The following TRERF1 variants were observed in gnomAD, a reference collection of about 807,000 sequenced individuals.
TRERF1 encodes the protein transcriptional regulating factor 1, also known as transcriptional-regulating factor 1.
A neutral mutation model predicts 122.9 loss-of-function variants in TRERF1; 27 were observed. The ratio of observed to expected loss-of-function variants is 0.22; its 90% CI spans 0.16 to 0.30. The LOEUF is 0.30. Among genes scored for constraint, TRERF1 ranks in the 10% least tolerant of loss-of-function variants. The pLI is 1.00. For synonymous variants in TRERF1, 636 were observed against 641.7 expected (o/e 0.99, Z 0.13); for missense variants, 1,248 against 1,560.3 (o/e 0.80, Z 3.37).
chr6:42,300,128 T>C (rs1582901398), intron 4 of TRERF1, among the ~76,000 whole-genome samples: 1 of 149,098 alleles, frequency 6.7e-6, no homozygotes, highest in Non-Finnish European at 1.5e-5. Flanking sequence ...AGCCAAGTCT[T>C]TGTGGTTCCT....
chr6:42,239,442 C>T (rs1773110725), intron 15 of TRERF1, among the ~76,000 whole-genome samples: 1 of 152,160 alleles, frequency 6.6e-6, no homozygotes, highest in African/African-American at 2.4e-5. Context: ...AGTCACACTG[C>T]CCCTGCTGAG....
In TRERF1 at chr6:42,355,672, C is replaced by T. The variant is rs1351359382; in HGVS notation, c.-371+7325G>A. On this transcript the variant is annotated intron_variant, in intron 3 of 17. Transcript: ENST00000372922. Reference sequence around the variant, plus strand: ...AGGCCTTTTTATATCTTAAAATATTCCACCTGGCACAGGGGTGTATGAGTG... The same window carrying T: ...AGGCCTTTTTATATCTTAAAATATTTCACCTGGCACAGGGGTGTATGAGTG... Among the ~76,000 whole-genome samples the T allele has an allele frequency of 3.3e-5, 5 of 152,150 alleles. No individual in the cohort carries two copies. The South Asian group carries it at 1.0e-3, about 32-fold the overall frequency.
chr6:42,405,087 C>G (rs1033953928), intron 2 of TRERF1, among the ~76,000 whole-genome samples: 2 of 152,162 alleles, frequency 1.3e-5, no homozygotes, highest in African/African-American at 4.8e-5. Flanking sequence ...TTAATCTTCA[C>G]GGTAACCCTA....
At chr6:42,225,071 G>A (rs1222606536), downstream of TRERF1, 3 of 151,870 alleles carry the variant, frequency 2.0e-5, no homozygotes, top group African/African-American at 7.3e-5. Context: ...ATAACTTTCT[G>A]AGAGGCTAAT....
At chr6:42,354,110 T>C (rs1476324821) in intron 3 of TRERF1, among the ~76,000 whole-genome samples, 3 of 152,112 alleles carry the variant, frequency 2.0e-5, no homozygotes, top group Non-Finnish European at 2.9e-5. Flanking sequence ...TTGTGAGGCA[T>C]GGGTGGGATT....
At chr6:42,330,994 C>T (rs902893074) in intron 3 of TRERF1, among the ~76,000 whole-genome samples, 10 of 151,872 alleles carry the variant, frequency 6.6e-5, no homozygotes, top group African/African-American at 1.7e-4. Context: ...TTTTTTTTAA[C>T]GGGGAAGCTG....
At chr6:42,277,891 GGAAGAAGGAAGAAGGAAGAA>G (rs1421855618) in intron 4 of TRERF1, among the ~76,000 whole-genome samples, 33 of 129,748 alleles carry the variant, frequency 2.5e-4, no homozygotes, top group Middle Eastern at 3.7e-3. Context: ...GAAGGAAGAA[GGAAGAAGGAAGAAGGAAGAA>G]GAAGAAGAAG....
intron 8 of TRERF1, among the ~76,000 whole-genome samples, chr6:42,262,203 C>G (rs1392361443): frequency 6.6e-6 from 1 of 152,132 alleles, no homozygotes. Flanking sequence ...AGTTCTCCAT[C>G]AGTTTCTCTT....
At position 42,232,552 on chromosome 6, in the gene TRERF1, C is replaced by T; in HGVS notation, c.3278+129G>A. ...GACTACATACCCATCCCAAAGATGA[C>T]ACGAAGAAGAGTTTTGAGGTCTAAG... On this transcript the variant is annotated intron_variant, in intron 17 of 17. Coordinates refer to ENST00000372922, the Ensembl canonical transcript of TRERF1. This position sits in a 1 kb window ranked among gnomAD's most constrained non-coding sequence, Gnocchi z 4.5. The T allele has an allele frequency of 1.6e-6, 2 of 1,226,698 alleles. No homozygotes were observed. Among genetic ancestry groups the T allele is most frequent in the South Asian group, 3.3e-5 (2 of 59,750 alleles). The allele number at this position is 1,226,698 out of a possible 1,614,324, so 76.0% of individuals were successfully genotyped here.
intron 2 of TRERF1, among the ~76,000 whole-genome samples, chr6:42,365,882 G>A (rs1049797655): frequency 2.0e-5 from 3 of 152,116 alleles, no homozygotes; most frequent in South Asian, 2.1e-4. Flanking sequence ...TACTAATCCC[G>A]GCTCCATGCT....
At chr6:42,278,003 C>T (rs1781611192) in intron 4 of TRERF1, among the ~76,000 whole-genome samples, 1 of 151,630 alleles carries the variant, frequency 6.6e-6, no homozygotes, top group Admixed American at 6.6e-5. Context: ...GAGCCCTGGG[C>T]TTTGGTTCTA....
At chr6:42,369,034 C>T (rs1581828275) in intron 2 of TRERF1, among the ~76,000 whole-genome samples, 1 of 152,200 alleles carries the variant, frequency 6.6e-6, no homozygotes, top group East Asian at 1.9e-4. Context: ...AAGATTCTGA[C>T]ACATTCAGTC....
intron 15 of TRERF1, among the ~76,000 whole-genome samples, chr6:42,237,904 G>A (rs191446785): frequency 8.5e-5 from 13 of 152,292 alleles, no homozygotes; most frequent in African/African-American, 3.1e-4. Flanking sequence ...TATGAACAGG[G>A]TGTATTTAAG....
intron 2 of TRERF1, among the ~76,000 whole-genome samples, chr6:42,402,930 A>G (rs1485123838): frequency 6.6e-6 from 1 of 151,980 alleles, no homozygotes; most frequent in East Asian, 1.9e-4. Context: ...CTGGACTCAC[A>G]CCCGCTTCTG....
At chr6:42,321,994 A>G (rs750173740) in intron 3 of TRERF1, among the ~76,000 whole-genome samples, 5 of 152,262 alleles carry the variant, frequency 3.3e-5, no homozygotes, top group Non-Finnish European at 5.9e-5. Context: ...ATAAAAATGT[A>G]AATGTTTTCA....
chr6:42,367,328 G>A (rs376061195), intron 2 of TRERF1, among the ~76,000 whole-genome samples: 1 of 152,082 alleles, frequency 6.6e-6, no homozygotes, highest in Non-Finnish European at 1.5e-5. Context: ...GCAGAAGTCC[G>A]CAAAGAAACA....
intron 3 of TRERF1, among the ~76,000 whole-genome samples, chr6:42,301,042 G>C (rs1786080035): frequency 6.6e-6 from 1 of 152,090 alleles, no homozygotes; most frequent in Non-Finnish European, 1.5e-5. Context: ...GACAGACACA[G>C]AGAGATATAG....
At chr6:42,440,665 C>CA (rs1270971605) in intron 2 of TRERF1, among the ~76,000 whole-genome samples, 1 of 152,224 alleles carries the variant, frequency 6.6e-6, no homozygotes, top group Non-Finnish European at 1.5e-5. Context: ...AATATGTTAC[C>CA]AAAATTCTCC....
rs1313784503 is a variant in TRERF1, at chr6:42,258,837, C to T, written c.2269+502G>A. Among the ~76,000 whole-genome samples the T allele has an allele frequency of 2.0e-5, 3 of 152,070 alleles. No homozygotes were observed. In the East Asian group the frequency reaches 5.8e-4, roughly 29 times the overall value. The stretch of plus-strand genomic sequence containing the variant: ...GCAACCTCTGCCTCCCAGGTTTAAG[C>T]GATTCTCCTGCCTCAGCTTCCCAAG... On this transcript the variant is annotated intron_variant, in intron 9 of 17. Transcript: ENST00000372922.
Sources: allele counts gnomAD v4.1 joint callset (sites outside exome capture counted in the v4.1 genomes callset), GRCh38; gene constraint gnomAD v4.1.1; non-coding constraint Gnocchi (gnomAD v3.1); transcripts MANE v1.5; gene names NCBI Gene and HGNC (gene_info 2026-07-23, HGNC 2026-07-21).